The following ANKRD54 variants were observed in gnomAD, a reference collection of about 807,000 sequenced individuals.
The protein encoded by ANKRD54 is ankyrin repeat domain-containing protein 54.
In ANKRD54, 26 loss-of-function variants were observed where a neutral mutation model predicts 36.2. The ratio of observed to expected loss-of-function variants is 0.72; its 90% CI spans 0.53 to 1.00. The LOEUF (loss-of-function observed/expected upper bound fraction) is 1.00. Ranked by LOEUF, ANKRD54 falls within the 50% of genes least tolerant of loss-of-function variation. The pLI is 0.00. For missense variants in ANKRD54, 384 were observed against 424.3 expected, an observed-to-expected ratio of 0.91 and a Z score of 0.83; for synonymous variants, 209 against 188.4, an observed-to-expected ratio of 1.11 and a Z score of -0.89.
chr22:37,840,046 G>C, intron 2 of ANKRD54, 141 bp downstream of exon 2: 1 of 975,970 alleles, frequency 1.0e-6, no homozygotes, highest in Non-Finnish European at 1.6e-6. Context: ...CAAGATGACT[G>C]CACAGTCAGA....
chr22:37,845,547 T>C (rs1246138447), upstream of ANKRD54, among the ~76,000 whole-genome samples: 1 of 152,140 alleles, frequency 6.6e-6, no homozygotes, highest in African/African-American at 2.4e-5. Context: ...AAAAGTTCTT[T>C]CCATATATAA....
upstream of ANKRD54, chr22:37,848,801 C>T (rs895390316): frequency 2.0e-5 from 3 of 152,372 alleles, no homozygotes; most frequent in Non-Finnish European, 4.4e-5. Context: ...ATCAGGCCCC[C>T]GTATCCGAAT....
At position 37,831,208 on chromosome 22, in the gene ANKRD54, A is replaced by T. The variant is rs1028711148; in HGVS notation, c.*735T>A. The T allele has an allele frequency of 6.6e-6, 1 of 152,200 alleles. No individual in the cohort carries two copies. Among genetic ancestry groups the T allele is most frequent in the Non-Finnish European group, 1.5e-5 (1 of 68,056 alleles). The allele number at this position is 152,200 out of a possible 1,614,324, so 9.4% of individuals were successfully genotyped here. A position where few individuals can be genotyped will look rare whatever the true frequency, so the allele number is the denominator to read the frequency against. On this transcript the variant is annotated 3_prime_UTR_variant, in exon 8 of 8. Coordinates refer to ENST00000215941, the MANE Select transcript of ANKRD54 (RefSeq NM_138797.4). ...CAAAGCCCCTTTGGCCATACAAGGT[A>T]ATTTTGACAGGTTCCTGGGATTAGG...
rs1410794517 is a variant in ANKRD54 at position 37,832,024 on chromosome 22, GA to G, written c.829-8del. The G allele has an allele frequency of 6.2e-7, 1 of 1,611,444 alleles. No homozygotes were observed. Among genetic ancestry groups the G allele is most frequent in the Non-Finnish European group, 8.5e-7 (1 of 1,178,910 alleles). On this transcript the variant is annotated splice_region_variant and splice_polypyrimidine_tract_variant and intron_variant, in intron 7 of 7. Transcript: ENST00000215941. ...GGTCAGTCACTTCATCCACCTGCAG[GA>G]CGGAACAGAGGCTCTGTTATGGGAC...
upstream of ANKRD54, chr22:37,847,732 T>C (rs538871264): frequency 1.8e-5 from 8 of 438,654 alleles, no homozygotes; most frequent in South Asian, 1.4e-4. Flanking sequence ...CTGTGACTCT[T>C]CCTTGGTTCA....
At chr22:37,839,576 A>G (rs1226335418) in intron 2 of ANKRD54, among the ~76,000 whole-genome samples, 1 of 152,012 alleles carries the variant, frequency 6.6e-6, no homozygotes, top group Non-Finnish European at 1.5e-5. Context: ...TTCAGTAGAG[A>G]TGGGGTTTCA....
At position 37,833,049 on chromosome 22, in the gene ANKRD54, C is replaced by CAG; in HGVS notation, c.628_629insCT (p.Arg210ProfsTer12). ...TGACTTGGCCAGGTGCAGGGGTGTG[C>CAG]GACCAGCTCGGTCCAGGGCATCTAC... is the stretch of plus-strand genomic sequence containing the variant. On this transcript the variant is annotated frameshift_variant, in exon 6 of 8. Coordinates refer to ENST00000215941, the MANE Select transcript of ANKRD54 (RefSeq NM_138797.4). LOFTEE classifies it high-confidence loss of function. 6.2e-7 allele frequency: 1 copy of CAG among 1,613,494 alleles called. No homozygotes were observed. The highest frequency in any genetic ancestry group is 8.5e-7 in the Non-Finnish European group (1 of 1,179,834).
intron 2 of ANKRD54, 147 bp from the exon 3 acceptor site, chr22:37,838,745 G>T: frequency 2.7e-6 from 2 of 729,280 alleles, no homozygotes; most frequent in Non-Finnish European, 4.5e-6. Context: ...CTAGATGCTG[G>T]TCCTATGGGA....
intron 7 of ANKRD54, 79 bp from the exon 8 acceptor site, chr22:37,832,096 C>T: frequency 7.3e-7 from 1 of 1,360,718 alleles, no homozygotes; most frequent in Non-Finnish European, 1.0e-6. Flanking sequence ...ATCCCACAGG[C>T]ACAGAACACA....
chr22:37,834,964 CAGG>C (rs1325354796), intron 3 of ANKRD54, among the ~76,000 whole-genome samples: 1 of 151,868 alleles, frequency 6.6e-6, no homozygotes, highest in African/African-American at 2.4e-5. Flanking sequence ...GAGGCTGAGG[CAGG>C]AGAATTGCTG....
intron 4 of ANKRD54, 67 bp downstream of exon 4, chr22:37,833,616 AC>A (rs977342485): frequency 6.4e-7 from 1 of 1,563,836 alleles, no homozygotes; most frequent in Non-Finnish European, 8.8e-7. Context: ...GCCGGGCCCC[AC>A]CCTCTTCATC....
chr22:37,839,903 G>T (rs1363664372), intron 2 of ANKRD54, among the ~76,000 whole-genome samples: 1 of 152,220 alleles, frequency 6.6e-6, no homozygotes, highest in Non-Finnish European at 1.5e-5. Context: ...TGTGCTGGCT[G>T]CCAGGGATAC....
chr22:37,847,942 C>T (rs1194220262), upstream of ANKRD54, among the ~76,000 whole-genome samples: 1 of 152,038 alleles, frequency 6.6e-6, no homozygotes, highest in Admixed American at 6.6e-5. Context: ...CATGCAGATA[C>T]CGATGGGGAA....
At chr22:37,842,476 C>T (rs138686484) in intron 1 of ANKRD54, among the ~76,000 whole-genome samples, 7 of 152,288 alleles carry the variant, frequency 4.6e-5, no homozygotes, top group South Asian at 2.1e-4. Context: ...CTGCCAGCCC[C>T]GAGTTATTGC....
intron 6 of ANKRD54, 74 bp downstream of exon 6, chr22:37,832,882 GGT>G (rs1923067991): frequency 6.2e-7 from 1 of 1,604,700 alleles, no homozygotes; most frequent in Non-Finnish European, 8.5e-7. Context: ...ACCAGAGGCA[GGT>G]GTGTCTGTGG....
At chr22:37,833,838 G>T in intron 3 of ANKRD54, 83 bp from the exon 4 acceptor site, 2 of 1,297,078 alleles carry the variant, frequency 1.5e-6, no homozygotes, top group Non-Finnish European at 2.2e-6. Context: ...AGAGAGGCTG[G>T]CTCAGAGTAG....
At chr22:37,832,149 C>A in intron 7 of ANKRD54, 132 bp from the exon 8 acceptor site, 1 of 829,986 alleles carries the variant, frequency 1.2e-6, no homozygotes. Context: ...CTTCTGACTA[C>A]GCAGCAGTTG....
rs757366562 is a variant in ANKRD54, at chr22:37,844,214, C to T, written c.25G>A (p.Asp9Asn). 6.5e-7 allele frequency: 1 copy of T among 1,527,454 alleles called. No individual in the cohort carries two copies. Among genetic ancestry groups the T allele is most frequent in the South Asian group, 1.2e-5 (1 of 82,468 alleles). The allele number at this position is 1,527,454 out of a possible 1,614,324, so 94.6% of individuals were successfully genotyped here. A position where few individuals can be genotyped will look rare whatever the true frequency, so the allele number is the denominator to read the frequency against. The change falls in exon 1 of 8, where the codon GAC becomes AAC. Residue 9 changes from aspartate to asparagine, a missense_variant. Around this residue, in one of 3 missense-constraint regions of ANKRD54, gnomAD observed 195 missense variants for 177.7 expected, o/e 1.10. Coordinates refer to ENST00000215941, the MANE Select transcript of ANKRD54 (RefSeq NM_138797.4). Reference sequence around the variant, plus strand: ...GAGTGGCCTGAGCGCGGCTCGTCGTCCGCGTCCCCGGCGGCGGCTGCCATG... The same window carrying T: ...GAGTGGCCTGAGCGCGGCTCGTCGTTCGCGTCCCCGGCGGCGGCTGCCATG... MAAAAGDA[D>N]DEPRSGHSSS... is the part of the protein sequence containing the mutation.
At position 37,844,039 on chromosome 22, in the gene ANKRD54, T is replaced by C. The variant is rs1441336931; in HGVS notation, c.200A>G (p.Tyr67Cys). 8.3e-6 allele frequency: 12 copies of C among 1,438,868 alleles called. No individual in the cohort carries two copies. Among genetic ancestry groups the C allele is most frequent in the Non-Finnish European group, 9.1e-6 (10 of 1,102,416 alleles). The allele number at this position is 1,438,868 out of a possible 1,614,324, so 89.1% of individuals were successfully genotyped here. ...ASGGAQSPLRYLHVLWQQDAE... is the reference protein window; with the variant it reads ...ASGGAQSPLRCLHVLWQQDAE... The stretch of plus-strand genomic sequence containing the variant: ...ATCCTGCTGCCACAGGACGTGCAAG[T>C]AGCGCAGCGGCGACTGGGCCCCGCC... Residue 67 changes from tyrosine to cysteine, a missense_variant, in exon 1 of 8, where the codon TAC becomes TGC. By Grantham distance (194) the Tyr-to-Cys change is radical. Coordinates refer to ENST00000215941, the MANE Select transcript of ANKRD54 (RefSeq NM_138797.4).
Sources: gnomAD v4.1 joint callset for allele counts (sites outside exome capture counted in the v4.1 genomes callset) on GRCh38, gnomAD v4.1.1 for gene constraint, gnomAD v4.1.1 regional missense constraint, MANE v1.5 for transcripts, NCBI Gene and HGNC (gene_info 2026-07-23, HGNC 2026-07-21) for gene names.